Variants in PCDHA1 observed in about 807,000 individuals in gnomAD.
The protein encoded by PCDHA1 is protocadherin alpha-1.
A neutral mutation model predicts 61.3 loss-of-function variants in PCDHA1; 42 were observed. The observed-to-expected ratio is 0.69, with a 90% CI of 0.54 to 0.89. PCDHA1 has a LOEUF of 0.89. PCDHA1 is among the 40% of genes least tolerant of loss of function. PCDHA1 has a pLI of 0.00. For synonymous variants in PCDHA1, 610 were observed against 553.8 expected, an observed-to-expected ratio of 1.10 and a Z score of -1.43; for missense variants, 1,256 against 1,235.3, an observed-to-expected ratio of 1.02 and a Z score of -0.25.
chr5:140,981,220 C>T (rs1160783614), intron 2 of PCDHA1, among the ~76,000 whole-genome samples: 3 of 152,164 alleles, frequency 2.0e-5, no homozygotes, highest in African/African-American at 4.8e-5. Context: ...CCCCTTTAGT[C>T]AGTAGTCTAA....
rs1554189151 is a variant in PCDHA1, at chr5:140,900,427, G to GCA, written c.2395-78521_2395-78520insAC. On this transcript the variant is annotated intron_variant, in intron 1 of 3. Transcript: ENST00000504120. ...CAAGTAGCTGGGATTATAGGCACGT[G>GCA]CCACCACGGCCGGCTAATTTTTTAT... 7.9e-5 allele frequency among the ~76,000 whole-genome samples: 12 copies of GCA among 152,230 alleles called. No homozygotes were observed. The East Asian group carries it at 2.3e-3, about 30-fold the overall frequency.
chr5:140,941,218 T>TCTTTCTTC, intron 1 of PCDHA1, among the ~76,000 whole-genome samples: 1 of 125,730 alleles, frequency 8.0e-6, no homozygotes, highest in African/African-American at 3.3e-5. Context: ...TTTCTTCCTT[T>TCTTTCTTC]CTTTCTTTCT....
chr5:140,913,955 AT>A (rs2076529735), intron 1 of PCDHA1, among the ~76,000 whole-genome samples: 2 of 152,108 alleles, frequency 1.3e-5, no homozygotes, highest in African/African-American at 2.4e-5. Context: ...ATATGATATC[AT>A]TTTTAAAAAA....
At chr5:140,796,186 G>A (rs1554119753) in intron 1 of PCDHA1, 1 of 1,614,082 alleles carries the variant, frequency 6.2e-7, no homozygotes. Flanking sequence ...CTACTCGTTG[G>A]TGCTGGACAG....
chr5:140,966,341 G>T, intron 1 of PCDHA1: 1 of 396,732 alleles, frequency 2.5e-6, no homozygotes, highest in Non-Finnish European at 4.4e-6. Context: ...CAGGTCCAGG[G>T]TGAAGGAGAT....
intron 1 of PCDHA1, chr5:140,882,378 A>G: frequency 6.2e-7 from 1 of 1,614,186 alleles, no homozygotes; most frequent in Non-Finnish European, 8.5e-7. Flanking sequence ...TCCGTCCCCG[A>G]GGAAGCAAAA....
intron 1 of PCDHA1, chr5:140,928,603 C>A: frequency 1.2e-6 from 2 of 1,614,208 alleles, no homozygotes; most frequent in South Asian, 2.2e-5. Flanking sequence ...GGAAATTGTG[C>A]CCCGCTCTGC....
chr5:140,889,856 G>GT (rs1471217688), intron 1 of PCDHA1, among the ~76,000 whole-genome samples: 17 of 152,122 alleles, frequency 1.1e-4, no homozygotes, highest in African/African-American at 4.1e-4. Context: ...GAGAATATTT[G>GT]TTTTGGGGGA....
At position 140,787,778 on chromosome 5, in the gene PCDHA1, A is replaced by G. The variant is rs1294951517; in HGVS notation, c.1488A>G (p.Glu496=). 5 of 1,612,764 alleles carry G rather than the reference A, an allele frequency of 3.1e-6. No homozygotes were observed. The highest frequency in any genetic ancestry group is 2.2e-5 in the East Asian group (1 of 44,882). The change falls in exon 1 of 4, where the codon GAA becomes GAG. Residue 496 remains glutamate, a synonymous_variant. Transcript: ENST00000504120. ...ENALVSYSLV[E]RRVGERALSN... ...CGCTGGTGTCCTATTCGCTGGTGGA[A>G]CGGCGGGTGGGCGAGCGCGCGCTGT...
rs781915766 is a variant in PCDHA1, at chr5:140,869,999, G to C, written c.2394+81315G>C. Reference sequence around the variant, plus strand: ...TTATTTACACTAGATCAAAATAATGGAGAAGTGAGGGTCAATGGAACTTTA... The same window carrying C: ...TTATTTACACTAGATCAAAATAATGCAGAAGTGAGGGTCAATGGAACTTTA... On this transcript the variant is annotated intron_variant, in intron 1 of 3. Coordinates refer to ENST00000504120, the MANE Select transcript of PCDHA1 (RefSeq NM_018900.4). The C allele has an allele frequency of 3.7e-6, 6 of 1,613,396 alleles. No individual in the cohort carries two copies. In the South Asian group the frequency reaches 6.6e-5, roughly 18 times the overall value.
intron 1 of PCDHA1, chr5:140,928,426 TC>T (rs781827449): frequency 1.9e-6 from 3 of 1,614,134 alleles, no homozygotes; most frequent in South Asian, 2.2e-5. Context: ...TGCCAAAACT[TC>T]CTTTGACTTT....
chr5:140,871,156 G>C (rs200268029), intron 1 of PCDHA1: 2 of 1,613,446 alleles, frequency 1.2e-6, no homozygotes, highest in Non-Finnish European at 8.5e-7. Context: ...TTTGGCGGGC[G>C]CCGCGAGCCC....
rs782603246 is a variant in PCDHA1, at chr5:140,883,847, G to T, written c.2395-95102G>T. On this transcript the variant is annotated intron_variant, in intron 1 of 3. Transcript: ENST00000504120. ...CGCGCTGCAGCCGTTGGACCACGAGGAGCTGGAGCTGTTGCAGTTCCAGGT... is the reference window on the plus strand; with the variant it reads ...CGCGCTGCAGCCGTTGGACCACGAGTAGCTGGAGCTGTTGCAGTTCCAGGT... 4.3e-6 allele frequency: 7 copies of T among 1,612,760 alleles called. No individual in the cohort carries two copies. The East Asian group carries it at 1.3e-4, about 31-fold the overall frequency.
rs782267072 is a variant in PCDHA1, at chr5:140,787,695, C to T, written c.1405C>T (p.Pro469Ser). ...CACAGTATTCGTGAAGGAGAACAAC[C>T]CGCCGGGCTGCCACATCTTCACGGT... is the stretch of plus-strand genomic sequence containing the variant. ...EYTVFVKENN[P>S]PGCHIFTVSA... Residue 469 changes from proline to serine, a missense_variant, in exon 1 of 4, where the codon CCG becomes TCG. Coordinates refer to ENST00000504120, the MANE Select transcript of PCDHA1 (RefSeq NM_018900.4). The T allele has an allele frequency of 1.9e-6, 3 of 1,613,864 alleles. No individual in the cohort carries two copies. The highest frequency in any genetic ancestry group is 8.5e-7 in the Non-Finnish European group (1 of 1,179,910).
At chr5:140,840,992 T>G (rs2150176652) in intron 1 of PCDHA1, among the ~76,000 whole-genome samples, 1 of 152,166 alleles carries the variant, frequency 6.6e-6, no homozygotes, top group African/African-American at 2.4e-5. Context: ...TAGCTGAAAC[T>G]AATGTAAGGA....
chr5:140,869,227 G>A, intron 1 of PCDHA1: 2 of 1,613,788 alleles, frequency 1.2e-6, no homozygotes, highest in African/African-American at 1.3e-5. Context: ...GGCCAAACAC[G>A]GCACCTTCGT....
At chr5:140,910,028 T>C (rs1402911275) in intron 1 of PCDHA1, among the ~76,000 whole-genome samples, 4 of 152,222 alleles carry the variant, frequency 2.6e-5, no homozygotes, top group African/African-American at 9.6e-5. Flanking sequence ...ATCCCTGGGA[T>C]AAATCCCACT....
chr5:141,008,607 C>T (rs782227320), intron 3 of PCDHA1, among the ~76,000 whole-genome samples: 33 of 152,196 alleles, frequency 2.2e-4, no homozygotes, highest in Non-Finnish European at 3.8e-4. Flanking sequence ...CCTCTGGAAC[C>T]CCATTAACTT....
At chr5:140,975,523 A>T (rs1275717294) in intron 1 of PCDHA1, among the ~76,000 whole-genome samples, 1 of 152,196 alleles carries the variant, frequency 6.6e-6, no homozygotes, top group African/African-American at 2.4e-5. Flanking sequence ...TCTGCAGTGG[A>T]TATATTCTTA....
Sources: allele counts gnomAD v4.1 joint callset (sites outside exome capture counted in the v4.1 genomes callset), GRCh38; gene constraint gnomAD v4.1.1; transcripts MANE v1.5; gene names NCBI Gene and HGNC (gene_info 2026-07-23, HGNC 2026-07-21).